The following HLCS variants were observed in gnomAD, a reference collection of about 807,000 sequenced individuals.
HLCS encodes biotin--protein ligase.
HLCS carries 53 observed loss-of-function variants against 75.0 expected under a neutral mutation model. The observed-to-expected ratio is 0.71, with a 90% CI of 0.57 to 0.89. The LOEUF is 0.89. Ranked by LOEUF, HLCS falls within the 40% of genes least tolerant of loss-of-function variation. The pLI is 0.00. For missense variants in HLCS, 966 were observed against 1,074.0 expected (o/e 0.90, Z 1.41); for synonymous variants, 431 against 428.6 (o/e 1.01, Z -0.07).
chr21:36,754,202 T>A lies in HLCS; in HGVS notation c.*44A>T. 1 of 1,593,608 alleles carries A rather than the reference T, an allele frequency of 6.3e-7. No individual in the cohort carries two copies. The highest frequency in any genetic ancestry group is 1.1e-5 in the South Asian group (1 of 90,338). ...TACAACTCTAAATTAGATTTCCAGA[T>A]GCATGGGCACGGACAGGCAGCCGCG... On this transcript the variant is annotated 3_prime_UTR_variant, in exon 11 of 11. Transcript: ENST00000674895.
intron 6 of HLCS, among the ~76,000 whole-genome samples, chr21:36,821,010 C>T (rs1053206090): frequency 2.6e-5 from 4 of 152,216 alleles, no homozygotes; most frequent in East Asian, 1.9e-4. Flanking sequence ...TGAGGGTGCC[C>T]GGCAAGAGGG....
chr21:36,966,431 CCG>C lies in HLCS; in HGVS notation c.195+11_195+12del. On this transcript the variant is annotated intron_variant, in intron 1 of 10. Transcript: ENST00000674895. Reference sequence around the variant, plus strand: ...CGCGGGGCCCGGGTCGCCCGCCCGCCCGACCCGCCCACCTGGCTGTCGCTGAC... The same window carrying C: ...CGCGGGGCCCGGGTCGCCCGCCCGCCACCCGCCCACCTGGCTGTCGCTGAC... The C allele has an allele frequency of 1.2e-6, 1 of 843,146 alleles. No individual in the cohort carries two copies. Among genetic ancestry groups the C allele is most frequent in the Non-Finnish European group, 1.4e-6 (1 of 700,494 alleles). 52.2% of individuals were successfully genotyped at this position (843,146 alleles called of 1,614,324 possible).
At chr21:36,812,341 C>G (rs2061537231) in intron 6 of HLCS, among the ~76,000 whole-genome samples, 2 of 152,176 alleles carry the variant, frequency 1.3e-5, no homozygotes. Context: ...ATTTTTCTAA[C>G]ACACAGAGTA....
At chr21:36,966,030 G>A (rs995038792) in intron 1 of HLCS, among the ~76,000 whole-genome samples, 5 of 152,184 alleles carry the variant, frequency 3.3e-5, no homozygotes, top group Admixed American at 2.6e-4. Context: ...AGAGTGCAGG[G>A]ATTACAGGCA....
intron 1 of HLCS, among the ~76,000 whole-genome samples, chr21:36,983,762 G>A (rs972709582): frequency 6.6e-5 from 10 of 151,632 alleles, no homozygotes; most frequent in Non-Finnish European, 1.0e-4. Flanking sequence ...GCGTGAACCC[G>A]GGAGGCAGAG....
intron 6 of HLCS, among the ~76,000 whole-genome samples, chr21:36,836,378 T>C (rs2062411509): frequency 6.6e-6 from 1 of 151,880 alleles, no homozygotes. Flanking sequence ...TAGTTACATA[T>C]GTATACATGT....
chr21:36,851,193 A>T (rs2062992233), intron 6 of HLCS, among the ~76,000 whole-genome samples: 3 of 152,184 alleles, frequency 2.0e-5, no homozygotes. Context: ...TACCCAAAAG[A>T]ATGGAAACCA....
chr21:36,823,314 G>A (rs145422705), intron 6 of HLCS, among the ~76,000 whole-genome samples: 34 of 152,238 alleles, frequency 2.2e-4, no homozygotes, highest in African/African-American at 7.7e-4. Flanking sequence ...GGAATTACTC[G>A]CAGTTTGCCG....
intron 2 of HLCS, among the ~76,000 whole-genome samples, chr21:36,945,174 T>G (rs1167154616): frequency 6.6e-6 from 1 of 151,976 alleles, no homozygotes; most frequent in Non-Finnish European, 1.5e-5. Flanking sequence ...CATGAATAAG[T>G]TCTGAAGATC....
At chr21:36,840,862 C>T (rs1311253610) in intron 6 of HLCS, among the ~76,000 whole-genome samples, 1 of 152,184 alleles carries the variant, frequency 6.6e-6, no homozygotes, top group Non-Finnish European at 1.5e-5. Flanking sequence ...ATCTGCCTGC[C>T]TTGGCCTCCC....
At chr21:36,809,138 C>T (rs984632947) in intron 6 of HLCS, among the ~76,000 whole-genome samples, 3 of 151,952 alleles carry the variant, frequency 2.0e-5, no homozygotes, top group African/African-American at 7.3e-5. Flanking sequence ...TGCTCAAACC[C>T]AGGAGGCAGA....
intron 6 of HLCS, among the ~76,000 whole-genome samples, chr21:36,774,140 G>C (rs1015614125): frequency 6.6e-6 from 1 of 152,180 alleles, no homozygotes; most frequent in Non-Finnish European, 1.5e-5. Flanking sequence ...GACACAGTCA[G>C]GGGCAGAAGA....
chr21:36,755,204 C>G lies in HLCS; in HGVS notation c.2451-787G>C, dbSNP rs548174268. ...TTGAGGCCAGGAGTTCAAGACCAGC[C>G]TGGGCAATATAGTGAGACCCTGCCT... On this transcript the variant is annotated intron_variant, in intron 10 of 10. Coordinates refer to ENST00000674895, the MANE Select transcript of HLCS (RefSeq NM_001352514.2). Among the ~76,000 whole-genome samples, 11 of 152,062 alleles carry G rather than the reference C, an allele frequency of 7.2e-5. No individual in the cohort carries two copies. The South Asian group carries it at 1.9e-3, about 26-fold the overall frequency.
At chr21:36,953,396 T>C (rs777741411) in intron 2 of HLCS, among the ~76,000 whole-genome samples, 4 of 151,894 alleles carry the variant, frequency 2.6e-5, no homozygotes, top group Non-Finnish European at 4.4e-5. Context: ...CTACCTAGGA[T>C]AGAGGAGGGA....
intron 6 of HLCS, among the ~76,000 whole-genome samples, chr21:36,861,440 A>C (rs1389108554): frequency 6.6e-6 from 1 of 152,100 alleles, no homozygotes; most frequent in Non-Finnish European, 1.5e-5. Context: ...AGGTTTGTTT[A>C]ATATAGGCAA....
chr21:36,805,277 A>G (rs1425898689), intron 6 of HLCS, among the ~76,000 whole-genome samples: 1 of 152,096 alleles, frequency 6.6e-6, no homozygotes, highest in Non-Finnish European at 1.5e-5. Flanking sequence ...AACCCTCACT[A>G]CTCCATCAAG....
intron 6 of HLCS, among the ~76,000 whole-genome samples, chr21:36,819,378 A>G (rs530180715): frequency 6.6e-6 from 1 of 152,314 alleles, no homozygotes; most frequent in East Asian, 1.9e-4. Context: ...CTTCATAATG[A>G]ACACCTGTGC....
chr21:36,828,422 C>T (rs1331638101), intron 6 of HLCS, among the ~76,000 whole-genome samples: 1 of 151,930 alleles, frequency 6.6e-6, no homozygotes, highest in Admixed American at 6.6e-5. Flanking sequence ...AATGGTTATA[C>T]TTCACTGGAG....
intron 6 of HLCS, among the ~76,000 whole-genome samples, chr21:36,864,748 C>G (rs1378468423): frequency 6.6e-6 from 1 of 152,192 alleles, no homozygotes; most frequent in South Asian, 2.1e-4. Flanking sequence ...GCCTTTTTAT[C>G]CTTTCTATAG....
Sources: gnomAD v4.1 joint callset for allele counts (sites outside exome capture counted in the v4.1 genomes callset) on GRCh38, gnomAD v4.1.1 for gene constraint, MANE v1.5 for transcripts, NCBI Gene and HGNC (gene_info 2026-07-23, HGNC 2026-07-21) for gene names.